The following CCDC191 variants were observed in gnomAD, a reference collection of about 807,000 sequenced individuals.
The protein encoded by CCDC191 is coiled-coil domain containing 191, also known as coiled-coil domain-containing protein 191.
Under a neutral mutation model 114.0 loss-of-function variants are expected in CCDC191, and 99 were observed. The observed-to-expected ratio is 0.87, with a 90% CI of 0.74 to 1.03. CCDC191 has a LOEUF of 1.03. Ranked by LOEUF, CCDC191 falls within the 50% of genes least tolerant of loss-of-function variation. The pLI is 0.00. For synonymous variants in CCDC191, 351 were observed against 376.0 expected, an observed-to-expected ratio of 0.93 and a Z score of 0.77; for missense variants, 973 against 1,087.0, an observed-to-expected ratio of 0.90 and a Z score of 1.47.
Position 114,046,620 on chromosome 3 carries a change from AT to A in CCDC191, c.241del (p.Ile81Ter). 4 of 1,605,568 alleles carry A rather than the reference AT, an allele frequency of 2.5e-6. No individual in the cohort carries two copies. Among genetic ancestry groups the A allele is most frequent in the Non-Finnish European group, 3.4e-6 (4 of 1,172,514 alleles). ...TGCATAGATTTCATCATGATCCTCT[AT>A]TTGCTCAGATGTTTTCAAATCTGTG... ...QITDLKTSEQIEDHDEIYAEA... is the reference protein window; with the variant it reads ...QITDLKTSEQXEDHDEIYAEA... On this transcript the variant is annotated frameshift_variant, in exon 3 of 17. Coordinates refer to ENST00000295878, the MANE Select transcript of CCDC191 (RefSeq NM_020817.2). LOFTEE classifies it high-confidence loss of function.
intron 13 of CCDC191, among the ~76,000 whole-genome samples, chr3:113,997,448 T>C (rs904107580): frequency 4.6e-5 from 7 of 152,178 alleles, no homozygotes; most frequent in Non-Finnish European, 1.0e-4. Flanking sequence ...CAGTAGCAAT[T>C]AGACCCTCAG....
rs761348034 is a variant in CCDC191, at chr3:114,001,606, GTCTCT to G, written c.2147_2151del (p.Lys716ThrfsTer8). 8.7e-6 allele frequency: 14 copies of G among 1,613,516 alleles called. No homozygotes were observed. The highest frequency in any genetic ancestry group is 5.3e-5 in the African/African-American group (4 of 74,910). ...TAGACAATACTAACCATTTTCTTCA[GTCTCT>G]TCTCTTCTCGTTTTCTTTCAAGCTG... is the stretch of plus-strand genomic sequence containing the variant. On this transcript the variant is annotated frameshift_variant, in exon 13 of 17. Coordinates refer to ENST00000295878, the MANE Select transcript of CCDC191 (RefSeq NM_020817.2). LOFTEE classifies it high-confidence loss of function.
chr3:114,042,288 T>C (rs1338495753), intron 4 of CCDC191, among the ~76,000 whole-genome samples: 6 of 152,096 alleles, frequency 3.9e-5, no homozygotes, highest in African/African-American at 1.4e-4. Flanking sequence ...AATACAACAA[T>C]AAAAAATAAT....
rs758075380 is a variant in CCDC191 at position 113,965,162 on chromosome 3, T to C, written c.2804A>G (p.Asn935Ser). The change falls in exon 17 of 17, where the codon AAC (asparagine) becomes AGC (serine). Residue 935 changes from asparagine to serine, a missense_variant. Coordinates refer to ENST00000295878, the MANE Select transcript of CCDC191 (RefSeq NM_020817.2). ...ATATTACACTAATCTGGCTCATTCGTTCACCAGACTTGTCTTACTCAAGGA... is the reference window on the plus strand; with the variant it reads ...ATATTACACTAATCTGGCTCATTCGCTCACCAGACTTGTCTTACTCAAGGA... ...TWSLSKTSLV[N>S]E 1 of 1,596,162 alleles carries C rather than the reference T, an allele frequency of 6.3e-7. No individual in the cohort carries two copies.
intron 16 of CCDC191, among the ~76,000 whole-genome samples, chr3:113,972,700 C>A (rs1183083315): frequency 6.6e-6 from 1 of 152,046 alleles, no homozygotes; most frequent in African/African-American, 2.4e-5. Context: ...TTGCAGTTAT[C>A]TCTCCCTTTA....
rs551034224 is a variant in CCDC191, at chr3:114,040,411, G to C, written c.415+2292C>G. ...TGTCAATTTTTGCTTCATCTACCTT[G>C]GGAGTCTTTTGTCAGGTGTATATAT... is the stretch of plus-strand genomic sequence containing the variant. On this transcript the variant is annotated intron_variant, in intron 4 of 16. Coordinates refer to ENST00000295878, the MANE Select transcript of CCDC191 (RefSeq NM_020817.2). Among the ~76,000 whole-genome samples, 5 of 152,086 alleles carry C rather than the reference G, an allele frequency of 3.3e-5. No homozygotes were observed. In the South Asian group the frequency reaches 1.0e-3, roughly 32 times the overall value.
chr3:114,054,710 T>A (rs1021043445), intron 1 of CCDC191, among the ~76,000 whole-genome samples: 1 of 151,898 alleles, frequency 6.6e-6, no homozygotes, highest in Non-Finnish European at 1.5e-5. Context: ...CAATCTGACT[T>A]TTACTGTTTT....
At chr3:114,007,392 CTGAAA>C (rs1192199641) in intron 9 of CCDC191, among the ~76,000 whole-genome samples, 1 of 152,164 alleles carries the variant, frequency 6.6e-6, no homozygotes, top group Non-Finnish European at 1.5e-5. Flanking sequence ...ATAGACTCAA[CTGAAA>C]TGAAAGATGT....
chr3:114,051,688 C>A (rs2076699786), intron 2 of CCDC191, among the ~76,000 whole-genome samples: 2 of 152,040 alleles, frequency 1.3e-5, no homozygotes, highest in Non-Finnish European at 1.5e-5. Context: ...TACTCCATAC[C>A]CTTTCCATAT....
chr3:114,041,246 C>T (rs1344555664), intron 4 of CCDC191, among the ~76,000 whole-genome samples: 1 of 152,012 alleles, frequency 6.6e-6, no homozygotes, highest in African/African-American at 2.4e-5. Flanking sequence ...GTCCAGAAGG[C>T]AGCAACGAGG....
At chr3:114,010,705 T>G in intron 9 of CCDC191, 67 bp downstream of exon 9, 1 of 1,483,732 alleles carries the variant, frequency 6.7e-7, no homozygotes, top group Non-Finnish European at 9.1e-7. Context: ...TGACAATGAC[T>G]GACATACCAG....
In CCDC191 at chr3:114,036,766, C is replaced by A. The variant is rs758362704; in HGVS notation, c.436G>T (p.Glu146Ter). ...TGAACGGTGGTACTTTCCTCTTCTTCCTCCAAATAGCCACATAAATCTGGG... is the reference window on the plus strand; with the variant it reads ...TGAACGGTGGTACTTTCCTCTTCTTACTCCAAATAGCCACATAAATCTGGG... ...KFDDLCGYLE[E>*]EEESTTVQKF... Residue 146 changes from glutamate (E) to a stop codon, truncating the protein, a stop_gained, in exon 5 of 17, where the codon GAA becomes TAA. Coordinates refer to ENST00000295878, the MANE Select transcript of CCDC191 (RefSeq NM_020817.2). LOFTEE classifies it high-confidence loss of function. The A allele has an allele frequency of 2.0e-5, 31 of 1,556,218 alleles. No homozygotes were observed. The highest frequency in any genetic ancestry group is 2.7e-5 in the Non-Finnish European group (31 of 1,150,464).
Position 113,978,956 on chromosome 3 carries a change from A to G in CCDC191, c.2362T>C (p.Phe788Leu). The G allele has an allele frequency of 6.2e-7, 1 of 1,614,070 alleles. No homozygotes were observed. Among genetic ancestry groups the G allele is most frequent in the Non-Finnish European group, 8.5e-7 (1 of 1,179,966 alleles). The change falls in exon 15 of 17, where the codon TTC becomes CTC. Residue 788 changes from phenylalanine to leucine, a missense_variant. Coordinates refer to ENST00000295878, the MANE Select transcript of CCDC191 (RefSeq NM_020817.2). The part of the protein sequence containing the change: ...FLQRKYMLTW[F>L]QRSQESLARK... ...GCCAGACTTTCCTGACTACGCTGGA[A>G]CCACGTCAGCATGTATTTCCTCTGC... is the stretch of plus-strand genomic sequence containing the variant.
At chr3:113,987,336 T>C (rs781509020) in intron 13 of CCDC191, among the ~76,000 whole-genome samples, 9 of 152,022 alleles carry the variant, frequency 5.9e-5, no homozygotes, top group Non-Finnish European at 7.4e-5. Context: ...CACAAAGAAA[T>C]GAAGAGCATC....
intron 13 of CCDC191, among the ~76,000 whole-genome samples, chr3:113,997,594 A>C (rs1005299181): frequency 6.6e-6 from 1 of 152,202 alleles, no homozygotes; most frequent in South Asian, 2.1e-4. Context: ...ACACAAAATA[A>C]TGGGGGCATG....
At position 114,006,587 on chromosome 3, in the gene CCDC191, GATATATAT is replaced by G. The variant is rs67264886; in HGVS notation, c.1414-633_1414-626del. Among the ~76,000 whole-genome samples the G allele has an allele frequency of 4.6e-4, 38 of 82,620 alleles. 1 individual carries two copies. Among genetic ancestry groups the G allele is most frequent in the Admixed American group, 9.1e-4 (7 of 7,706 alleles). 54.2% of individuals were successfully genotyped at this position (82,620 alleles called of 152,430 possible). On this transcript the variant is annotated intron_variant, in intron 9 of 16. Coordinates refer to ENST00000295878, the MANE Select transcript of CCDC191 (RefSeq NM_020817.2). ...TTGTGAATTAGGCAAGGTTACTCCA[GATATATAT>G]ATATATATATATATATATATATAAA...
chr3:114,000,389 A>G (rs775708564), intron 13 of CCDC191, among the ~76,000 whole-genome samples: 2 of 152,198 alleles, frequency 1.3e-5, no homozygotes, highest in African/African-American at 4.8e-5. Flanking sequence ...CTGAGCCTTC[A>G]GACTTGAACT....
At chr3:114,053,045 T>C (rs1269093608) in intron 2 of CCDC191, among the ~76,000 whole-genome samples, 1 of 152,234 alleles carries the variant, frequency 6.6e-6, no homozygotes, top group Non-Finnish European at 1.5e-5. Flanking sequence ...TGTCAGAGGT[T>C]ATCTAACACA....
Position 113,965,079 on chromosome 3 carries a change from A to ATGTG in CCDC191, c.*72_*75dup. 1 of 773,290 alleles carries ATGTG rather than the reference A, an allele frequency of 1.3e-6. No individual in the cohort carries two copies. Among genetic ancestry groups the ATGTG allele is most frequent in the Non-Finnish European group, 2.1e-6 (1 of 482,742 alleles). The allele number at this position is 773,290 out of a possible 1,614,324, so 47.9% of individuals were successfully genotyped here. A position where few individuals can be genotyped will look rare whatever the true frequency, so the allele number is the denominator to read the frequency against. On this transcript the variant is annotated 3_prime_UTR_variant, in exon 17 of 17. Coordinates refer to ENST00000295878, the MANE Select transcript of CCDC191 (RefSeq NM_020817.2). ...GAGAATAAACCAGGTGTATGTATGT[A>ATGTG]TGTGTGTGGGTGGGTGGAGATAACA...
Sources: gnomAD v4.1 joint callset for allele counts (sites outside exome capture counted in the v4.1 genomes callset) on GRCh38, gnomAD v4.1.1 for gene constraint, MANE v1.5 for transcripts, NCBI Gene and HGNC (gene_info 2026-07-23, HGNC 2026-07-21) for gene names.